The following STRAP variants were observed in gnomAD, a reference collection of about 807,000 sequenced individuals.
STRAP encodes the protein serine/threonine kinase receptor associated protein.
Under a neutral mutation model 47.0 loss-of-function variants are expected in STRAP, and 16 were observed. The observed-to-expected ratio is 0.34, with a 90% CI of 0.23 to 0.52. The LOEUF is 0.52. Ranked by LOEUF, STRAP falls within the 20% of genes least tolerant of loss-of-function variation. The probability of loss-of-function intolerance (pLI) is 0.96; values close to 1 mark genes in which losing one functional copy is unlikely to be tolerated. For synonymous variants in STRAP, 130 were observed against 142.7 expected, an observed-to-expected ratio of 0.91 and a Z score of 0.63; for missense variants, 293 against 420.0, an observed-to-expected ratio of 0.70 and a Z score of 2.64.
At chr12:15,889,197 C>T (rs1302181256) in intron 2 of STRAP, among the ~76,000 whole-genome samples, 7 of 152,078 alleles carry the variant, frequency 4.6e-5, no homozygotes, top group African/African-American at 1.2e-4. Flanking sequence ...AACTATTACC[C>T]GCCCAGAATA....
At chr12:15,893,552 T>C (rs1027977575) in intron 4 of STRAP, among the ~76,000 whole-genome samples, 2 of 147,386 alleles carry the variant, frequency 1.4e-5, no homozygotes, top group Non-Finnish European at 3.0e-5. Context: ...TGCTTTTATA[T>C]TTATTATACT....
intron 1 of STRAP, chr12:15,883,039 C>A: frequency 2.0e-6 from 3 of 1,533,504 alleles, no homozygotes; most frequent in Non-Finnish European, 2.6e-6. Flanking sequence ...TTACCTCCAA[C>A]TAAGACCTCT....
Position 15,890,155 on chromosome 12 carries a change from T to C in STRAP, c.330+146T>C. 1.3e-6 allele frequency: 1 copy of C among 783,234 alleles called. No homozygotes were observed. The highest frequency in any genetic ancestry group is 2.1e-6 in the Non-Finnish European group (1 of 485,098). The allele number at this position is 783,234 out of a possible 1,614,324, so 48.5% of individuals were successfully genotyped here. A position where few individuals can be genotyped will look rare whatever the true frequency, so the allele number is the denominator to read the frequency against. On this transcript the variant is annotated intron_variant, in intron 3 of 9. Coordinates refer to ENST00000419869, the MANE Select transcript of STRAP (RefSeq NM_007178.4). The surrounding 1 kb of genome is among the most constrained non-coding windows in gnomAD (Gnocchi z 4.5). Reference sequence around the variant, plus strand: ...TCTTGGTTCATATTTGATTTGATTGTGTATTAAGCTCTATGAATTTGTTTC... The same window carrying C: ...TCTTGGTTCATATTTGATTTGATTGCGTATTAAGCTCTATGAATTTGTTTC...
In STRAP at chr12:15,890,094, TTTGA is replaced by T. The variant is rs1455993548; in HGVS notation, c.330+91_330+94del. On this transcript the variant is annotated intron_variant, in intron 3 of 9. Coordinates refer to ENST00000419869, the MANE Select transcript of STRAP (RefSeq NM_007178.4). The surrounding 1 kb of genome is among the most constrained non-coding windows in gnomAD (Gnocchi z 4.5). Reference sequence around the variant, plus strand: ...CTTTTATACTTGATTGGTGTGTATATTTGATTGATATGTTTTGTGTGGAATATTT... The same window carrying T: ...CTTTTATACTTGATTGGTGTGTATATTTGATATGTTTTGTGTGGAATATTT... 5.2e-6 allele frequency: 6 copies of T among 1,164,890 alleles called. No individual in the cohort carries two copies. In the East Asian group the frequency reaches 7.2e-5, roughly 14 times the overall value. 72.2% of individuals were successfully genotyped at this position (1,164,890 alleles called of 1,614,324 possible).
chr12:15,901,091 C>T, intron 9 of STRAP, 79 bp downstream of exon 9: 2 of 1,065,200 alleles, frequency 1.9e-6, no homozygotes. Flanking sequence ...TACTCATTGG[C>T]AGAAGAAATT....
At chr12:15,899,174 T>G (rs1231667348) in intron 7 of STRAP, among the ~76,000 whole-genome samples, 1 of 152,208 alleles carries the variant, frequency 6.6e-6, no homozygotes, top group Non-Finnish European at 1.5e-5. Flanking sequence ...TTCCAAAACC[T>G]TGTGTTCTTT....
chr12:15,900,169 T>C, intron 8 of STRAP, 116 bp downstream of exon 8: 2 of 1,121,846 alleles, frequency 1.8e-6, no homozygotes. Flanking sequence ...TTATATATTA[T>C]GGTTTAAGCA....
intron 2 of STRAP, among the ~76,000 whole-genome samples, chr12:15,884,943 T>C (rs993215094): frequency 1.3e-5 from 2 of 152,194 alleles, no homozygotes; most frequent in Admixed American, 1.3e-4. Flanking sequence ...TGCCAGAATA[T>C]ACCTTACCTG....
chr12:15,888,001 A>G (rs548697298), intron 2 of STRAP, among the ~76,000 whole-genome samples: 105 of 152,326 alleles, frequency 6.9e-4, no homozygotes, highest in African/African-American at 2.4e-3. Flanking sequence ...CTGTCATTCT[A>G]ATACTTGTGA....
At position 15,897,869 on chromosome 12, in the gene STRAP, A is replaced by G. The variant is rs772096190; in HGVS notation, c.639-13A>G. ...ATTCAAGATTTGTAAATACTACTTA[A>G]ATTTTTTTTCAGTTTGGACCCAATT... is the stretch of plus-strand genomic sequence containing the variant. On this transcript the variant is annotated splice_polypyrimidine_tract_variant and intron_variant, in intron 6 of 9. Transcript: ENST00000419869. 4.7e-6 allele frequency: 7 copies of G among 1,496,340 alleles called. No individual in the cohort carries two copies. Among genetic ancestry groups the G allele is most frequent in the Non-Finnish European group, 6.2e-6 (7 of 1,125,658 alleles). 92.7% of individuals were successfully genotyped at this position (1,496,340 alleles called of 1,614,324 possible).
chr12:15,898,805 G>A (rs1254253424), intron 7 of STRAP, among the ~76,000 whole-genome samples: 1 of 151,972 alleles, frequency 6.6e-6, no homozygotes, highest in African/African-American at 2.4e-5. Context: ...GTTCTTGTCT[G>A]TTTCTAGCTG....
intron 4 of STRAP, among the ~76,000 whole-genome samples, chr12:15,893,229 G>T (rs1948031444): frequency 1.3e-5 from 2 of 151,528 alleles, no homozygotes; most frequent in Admixed American, 1.3e-4. Context: ...GGGAATTGCT[G>T]TCCCACTTTC....
rs924563535 is a variant in STRAP, at chr12:15,894,532, G to A, written c.500+389G>A. Among the ~76,000 whole-genome samples, 54 of 152,148 alleles carry A rather than the reference G, an allele frequency of 3.5e-4. 1 individual carries two copies. Among genetic ancestry groups the A allele is most frequent in the Non-Finnish European group, 1.3e-4 (9 of 68,028 alleles). ...ATTTTAAATACATTTAATATTATGT[G>A]TGAAAAATGTTCTGAACATTAAAAT... On this transcript the variant is annotated intron_variant, in intron 5 of 9. Coordinates refer to ENST00000419869, the MANE Select transcript of STRAP (RefSeq NM_007178.4). This position sits in a 1 kb window ranked among gnomAD's most constrained non-coding sequence, Gnocchi z 4.9.
At position 15,892,241 on chromosome 12, in the gene STRAP, G is replaced by A. The variant is rs74524398; in HGVS notation, c.403+1572G>A. On this transcript the variant is annotated intron_variant, in intron 4 of 9. Coordinates refer to ENST00000419869, the MANE Select transcript of STRAP (RefSeq NM_007178.4). ...CATGTTTTTCTTACTGGTTTTTAAAGGTTCTTTATTGAATTCTAATTTATC... is the reference window on the plus strand; with the variant it reads ...CATGTTTTTCTTACTGGTTTTTAAAAGTTCTTTATTGAATTCTAATTTATC... Among the ~76,000 whole-genome samples, 1,511 of 151,934 alleles carry A rather than the reference G, an allele frequency of 9.9e-3. 28 individuals are homozygous for A. Among genetic ancestry groups the A allele is most frequent in the African/African-American group, 0.034 (1,408 of 41,446 alleles).
chr12:15,892,556 T>G (rs777797957), intron 4 of STRAP, among the ~76,000 whole-genome samples: 4 of 152,102 alleles, frequency 2.6e-5, no homozygotes, highest in Non-Finnish European at 5.9e-5. Flanking sequence ...AATAAGAGAG[T>G]CAGAACCACA....
chr12:15,890,751 T>A lies in STRAP; in HGVS notation c.403+82T>A. On this transcript the variant is annotated intron_variant, in intron 4 of 9. Transcript: ENST00000419869. The surrounding 1 kb of genome is among the most constrained non-coding windows in gnomAD (Gnocchi z 4.5). ...GATTAAAGAATTTCATGCTCAGTAC[T>A]CAAATTTGGAAAATAAAGATAGTCA... The A allele has an allele frequency of 7.9e-7, 1 of 1,271,652 alleles. No homozygotes were observed. Among genetic ancestry groups the A allele is most frequent in the Non-Finnish European group, 1.1e-6 (1 of 904,736 alleles). 78.8% of individuals were successfully genotyped at this position (1,271,652 alleles called of 1,614,324 possible). A position where few individuals can be genotyped will look rare whatever the true frequency, so the allele number is the denominator to read the frequency against.
Position 15,894,937 on chromosome 12 carries a change from G to T in STRAP, c.501-422G>T, listed in dbSNP as rs188232229. On this transcript the variant is annotated intron_variant, in intron 5 of 9. Transcript: ENST00000419869. The surrounding 1 kb of genome is among the most constrained non-coding windows in gnomAD (Gnocchi z 4.9). ...TGGGTCTGTGGGCAGAATGGTTAAA[G>T]GGAGGGACCATGAAGCCTCTGAAAT... is the stretch of plus-strand genomic sequence containing the variant. Among the ~76,000 whole-genome samples, 79 of 152,300 alleles carry T rather than the reference G, an allele frequency of 5.2e-4. 1 individual carries two copies. Among genetic ancestry groups the T allele is most frequent in the Admixed American group, 2.3e-3 (35 of 15,306 alleles).
chr12:15,896,182 T>C lies in STRAP; in HGVS notation c.638+686T>C, dbSNP rs905678548. 2.0e-5 allele frequency among the ~76,000 whole-genome samples: 3 copies of C among 152,054 alleles called. No homozygotes were observed. Among genetic ancestry groups the C allele is most frequent in the African/African-American group, 7.2e-5 (3 of 41,394 alleles). On this transcript the variant is annotated intron_variant, in intron 6 of 9. Transcript: ENST00000419869. This position sits in a 1 kb window ranked among gnomAD's most constrained non-coding sequence, Gnocchi z 4.1. ...CCAGGAGGTGGAGGTTGTTTTGAGC[T>C]GTGGTCACACCACTGCATTCCAGCC...
intron 4 of STRAP, among the ~76,000 whole-genome samples, chr12:15,893,490 T>A (rs1948034221): frequency 7.1e-6 from 1 of 141,324 alleles, no homozygotes; most frequent in Admixed American, 6.9e-5. Context: ...TATATAAAAT[T>A]CTTTTTATTA....
Sources: gnomAD v4.1 joint callset for allele counts (sites outside exome capture counted in the v4.1 genomes callset) on GRCh38, gnomAD v4.1.1 for gene constraint, Gnocchi (gnomAD v3.1) non-coding constraint, MANE v1.5 for transcripts, NCBI Gene and HGNC (gene_info 2026-07-23, HGNC 2026-07-21) for gene names.